CREG1: variants seen among roughly 807,000 people sequenced by gnomAD.
CREG1 encodes the protein protein CREG1.
A neutral mutation model predicts 19.9 loss-of-function variants in CREG1; 20 were observed. The observed-to-expected ratio is 1.01, with a 90% confidence interval of 0.71 to 1.46. CREG1 has a LOEUF of 1.46. CREG1 is among the 40% of genes most tolerant of loss of function. CREG1 has a pLI of 0.00. For synonymous variants in CREG1, 141 were observed against 143.3 expected (o/e 0.98, Z 0.12); for missense variants, 290 against 314.9 (o/e 0.92, Z 0.60).
At chr1:167,550,278 C>T (rs967934168) in intron 1 of CREG1, among the ~76,000 whole-genome samples, 9 of 152,272 alleles carry the variant, frequency 5.9e-5, no homozygotes, top group Admixed American at 2.0e-4. Flanking sequence ...CTGGAGCCTC[C>T]GCACCCGCCT....
At chr1:167,546,024 T>C in intron 3 of CREG1, 77 bp downstream of exon 3, 1 of 1,313,928 alleles carries the variant, frequency 7.6e-7, no homozygotes, top group Non-Finnish European at 1.0e-6. Flanking sequence ...ATGAAACGGT[T>C]AAACCCCCCT....
rs144088168 is a variant in CREG1 at position 167,546,113 on chromosome 1, T to A, written c.647A>T (p.Asn216Ile). 4.1e-4 allele frequency: 662 copies of A among 1,602,514 alleles called. No individual in the cohort carries two copies. Among genetic ancestry groups the A allele is most frequent in the Non-Finnish European group, 5.1e-4 (598 of 1,175,502 alleles). Residue 216 changes from asparagine to isoleucine, a missense_variant, in exon 3 of 4, where the codon AAT becomes ATT. Asn to Ile is a moderately radical substitution (Grantham distance 149). Transcript: ENST00000370509. Reference sequence around the variant, plus strand: ...TGTAAGTACTTACTGAACTGTGACATTATAATATTCTTCTGGTGTCACGAT... The same window carrying A: ...TGTAAGTACTTACTGAACTGTGACAATATAATATTCTTCTGGTGTCACGAT... The part of the protein sequence containing the change: ...PKIVTPEEYY[N>I]VTVQ
rs148972296 is a variant in CREG1, at chr1:167,546,431, C to T, written c.475-146G>A. 15 of 511,810 alleles carry T rather than the reference C, an allele frequency of 2.9e-5. No individual in the cohort carries two copies. In the East Asian group the frequency reaches 5.1e-4, roughly 17 times the overall value. 31.7% of individuals were successfully genotyped at this position (511,810 alleles called of 1,614,324 possible). ...GGCCAAGGCGGGCGGATCACGAGGT[C>T]AGGAGACTCAGACCATCTTGGCTAA... On this transcript the variant is annotated intron_variant, in intron 2 of 3. Coordinates refer to ENST00000370509, the MANE Select transcript of CREG1 (RefSeq NM_003851.3).
At chr1:167,544,219 C>T (rs1219300719) in intron 3 of CREG1, among the ~76,000 whole-genome samples, 1 of 152,096 alleles carries the variant, frequency 6.6e-6, no homozygotes, top group East Asian at 1.9e-4. Flanking sequence ...TTCTTTATTC[C>T]AACAGAGTGT....
chr1:167,543,946 T>C (rs1467207259), intron 3 of CREG1, among the ~76,000 whole-genome samples: 1 of 152,282 alleles, frequency 6.6e-6, no homozygotes, highest in Non-Finnish European at 1.5e-5. Flanking sequence ...TATTTTGTTA[T>C]TAAACCAGGC....
chr1:167,543,741 TC>T (rs1157933993), intron 3 of CREG1, among the ~76,000 whole-genome samples: 61 of 152,322 alleles, frequency 4.0e-4, no homozygotes, highest in African/African-American at 1.2e-3. Flanking sequence ...GCCCTGCCCA[TC>T]CCTCGGGTTC....
rs1368004009 is a variant in CREG1 at position 167,541,127 on chromosome 1, T to C, written c.*1171A>G. On this transcript the variant is annotated 3_prime_UTR_variant, in exon 4 of 4. Coordinates refer to ENST00000370509, the MANE Select transcript of CREG1 (RefSeq NM_003851.3). ...ACCTGTTTGCTGGATCTCAGTTAAG[T>C]TCACTTTGCAGTTTTCAGACACAAT... The C allele has an allele frequency of 2.0e-5, 3 of 152,254 alleles. No homozygotes were observed. Among genetic ancestry groups the C allele is most frequent in the African/African-American group, 7.2e-5 (3 of 41,464 alleles). The allele number at this position is 152,254 out of a possible 1,614,324, so 9.4% of individuals were successfully genotyped here.
chr1:167,543,321 T>G (rs3820393), intron 3 of CREG1, among the ~76,000 whole-genome samples: 28,682 of 151,902 alleles, frequency 0.19, 3,009 homozygotes, highest in East Asian at 0.31. Context: ...CTTCCACTGA[T>G]CATGCAAACA....
At chr1:167,547,656 C>G (rs895935939) in intron 2 of CREG1, among the ~76,000 whole-genome samples, 1 of 152,300 alleles carries the variant, frequency 6.6e-6, no homozygotes, top group Middle Eastern at 3.4e-3. Context: ...CATAGTGGCT[C>G]ACGCCTGTAA....
rs1180901723 is a variant in CREG1 at position 167,541,624 on chromosome 1, T to A, written c.*674A>T. 1 of 152,224 alleles carries A rather than the reference T, an allele frequency of 6.6e-6. No homozygotes were observed. Among genetic ancestry groups the A allele is most frequent in the Non-Finnish European group, 1.5e-5 (1 of 68,038 alleles). 9.4% of individuals were successfully genotyped at this position (152,224 alleles called of 1,614,324 possible). A position where few individuals can be genotyped will look rare whatever the true frequency, so the allele number is the denominator to read the frequency against. On this transcript the variant is annotated 3_prime_UTR_variant, in exon 4 of 4. Coordinates refer to ENST00000370509, the MANE Select transcript of CREG1 (RefSeq NM_003851.3). The stretch of plus-strand genomic sequence containing the variant: ...TTTCGACTTAGGTGGGGAAATTAAA[T>A]TCAGGAGTTTTATGACTTTCTTTTG...
intron 2 of CREG1, 47 bp from the exon 3 acceptor site, chr1:167,546,332 ATCTTC>A: frequency 7.8e-7 from 1 of 1,286,964 alleles, no homozygotes; most frequent in South Asian, 1.4e-5. Context: ...GTAACACTTT[ATCTTC>A]TCATTTGTTA....
chr1:167,545,129 G>A (rs1396666101), intron 3 of CREG1, among the ~76,000 whole-genome samples: 1 of 152,118 alleles, frequency 6.6e-6, no homozygotes, highest in African/African-American at 2.4e-5. Context: ...TAGTACTGGG[G>A]CTGATGGGAT....
chr1:167,544,754 T>C (rs529104911), intron 3 of CREG1, among the ~76,000 whole-genome samples: 2 of 152,302 alleles, frequency 1.3e-5, no homozygotes, highest in African/African-American at 4.8e-5. Flanking sequence ...AGCACCTACC[T>C]GTTGCGGTGG....
chr1:167,541,585 T>C lies in CREG1; in HGVS notation c.*713A>G, dbSNP rs1447631799. 2.6e-5 allele frequency: 4 copies of C among 152,218 alleles called. No individual in the cohort carries two copies. The highest frequency in any genetic ancestry group is 5.9e-5 in the Non-Finnish European group (4 of 68,040). 9.4% of individuals were successfully genotyped at this position (152,218 alleles called of 1,614,324 possible). ...AAAAAATAATCTGTGTGCACATGTG[T>C]TTTGATAATACTGTTTCGACTTAGG... On this transcript the variant is annotated 3_prime_UTR_variant, in exon 4 of 4. Transcript: ENST00000370509.
At position 167,548,071 on chromosome 1, in the gene CREG1, G is replaced by A. The variant is rs765953608; in HGVS notation, c.405C>T (p.Cys135=). The change falls in exon 2 of 4, where the codon TGC becomes TGT. Residue 135 remains cysteine, a synonymous_variant. Coordinates refer to ENST00000370509, the MANE Select transcript of CREG1 (RefSeq NM_003851.3). ...LTMTLAQTNF[C]KKHGFDPQSP... is the part of the protein sequence containing the mutation. Reference sequence around the variant, plus strand: ...TTTGTGGATCAAATCCATGTTTCTTGCAGAAGTTGGTCTGTGCCAAAGTCA... The same window carrying A: ...TTTGTGGATCAAATCCATGTTTCTTACAGAAGTTGGTCTGTGCCAAAGTCA... The A allele has an allele frequency of 6.2e-7, 1 of 1,613,594 alleles. No homozygotes were observed.
At chr1:167,551,762 G>C (rs935666196) in intron 1 of CREG1, among the ~76,000 whole-genome samples, 1 of 152,174 alleles carries the variant, frequency 6.6e-6, no homozygotes. Context: ...AGCCTTCTTA[G>C]GTGACTATGA....
chr1:167,552,137 C>A (rs1387489311), intron 1 of CREG1, among the ~76,000 whole-genome samples: 1 of 152,154 alleles, frequency 6.6e-6, no homozygotes, highest in South Asian at 2.1e-4. Flanking sequence ...GAAAGATGAA[C>A]CTGAGATGAA....
chr1:167,542,707 G>A (rs1223199203), intron 3 of CREG1, among the ~76,000 whole-genome samples: 4 of 152,222 alleles, frequency 2.6e-5, no homozygotes, highest in Non-Finnish European at 5.9e-5. Context: ...GAAGAGCAGT[G>A]ATTAGCCATT....
intron 3 of CREG1, among the ~76,000 whole-genome samples, chr1:167,543,924 G>A (rs1234288642): frequency 3.3e-5 from 5 of 152,206 alleles, no homozygotes. Flanking sequence ...GAGACTTATG[G>A]GAAAACAGTT....
Sources: allele counts gnomAD v4.1 joint callset (sites outside exome capture counted in the v4.1 genomes callset), GRCh38; gene constraint gnomAD v4.1.1; transcripts MANE v1.5; gene names NCBI Gene and HGNC (gene_info 2026-07-23, HGNC 2026-07-21).